PSG2: variants seen among roughly 807,000 people sequenced by gnomAD.
PSG2 encodes the protein pregnancy specific beta-1-glycoprotein 2.
PSG2 carries 49 observed loss-of-function variants against 36.2 expected under a neutral mutation model. That is an observed-to-expected ratio of 1.35 (90% CI 1.08 to 1.72). PSG2 has a LOEUF of 1.72. PSG2 is among the 40% of genes most tolerant of loss of function. The probability of loss-of-function intolerance (pLI) is 0.00; values close to 1 mark genes in which losing one functional copy is unlikely to be tolerated. For synonymous variants in PSG2, 261 were observed against 155.6 expected, an observed-to-expected ratio of 1.68 and a Z score of -5.04; for missense variants, 605 against 407.2, an observed-to-expected ratio of 1.49 and a Z score of -4.18.
At chr19:43,082,425 A>G (rs1447863999) in intron 1 of PSG2, 81 bp downstream of exon 1, 2 of 1,571,632 alleles carry the variant, frequency 1.3e-6, no homozygotes, top group Admixed American at 1.7e-5. Context: ...TTCATTTTTT[A>G]GAACCCCATC....
intron 3 of PSG2, chr19:43,072,237 T>G: frequency 1.3e-6 from 2 of 1,511,602 alleles, no homozygotes; most frequent in Non-Finnish European, 8.9e-7. Flanking sequence ...ATGGCCAGCT[T>G]GGATGTCCAG....
chr19:43,077,239 G>A (rs1201348841), intron 2 of PSG2, among the ~76,000 whole-genome samples: 1 of 151,686 alleles, frequency 6.6e-6, no homozygotes, highest in African/African-American at 2.4e-5. Context: ...AAAGAAAGAT[G>A]CCAAAGGTGA....
At chr19:43,071,165 C>G (rs192781502) in intron 4 of PSG2, among the ~76,000 whole-genome samples, 1 of 151,508 alleles carries the variant, frequency 6.6e-6, no homozygotes, top group Admixed American at 6.6e-5. Flanking sequence ...TCCACACATG[C>G]TGGTCCCACC....
intron 2 of PSG2, among the ~76,000 whole-genome samples, chr19:43,076,596 A>T (rs7250302): frequency 6.6e-6 from 1 of 151,298 alleles, no homozygotes; most frequent in Non-Finnish European, 1.5e-5. Context: ...TTCTGAGTTT[A>T]ACTACCCTAT....
chr19:43,079,529 C>G (rs971748131), intron 2 of PSG2, among the ~76,000 whole-genome samples: 1 of 151,544 alleles, frequency 6.6e-6, no homozygotes, highest in Admixed American at 6.6e-5. Context: ...GTGTGTGTGT[C>G]TCTCACTGGG....
intron 1 of PSG2, 26 bp downstream of exon 1, chr19:43,082,480 C>G: frequency 6.2e-7 from 1 of 1,606,336 alleles, no homozygotes; most frequent in Admixed American, 1.7e-5. Flanking sequence ...CTCCTCCTGT[C>G]CTCTCCCAGG....
rs7248878 is a variant in PSG2 at position 43,081,173 on chromosome 19, G to A, written c.138C>T (p.Ser46=). 0.11 allele frequency: 171,928 copies of A among 1,611,494 alleles called. 7,198 individuals carry two copies. Among genetic ancestry groups the A allele is most frequent in the Admixed American group, 0.18 (10,513 of 59,788 alleles). ...VTIEAQPPKV[S]EGKDVLLLVH... is the part of the protein sequence containing the mutation. ...CAAGTAGAAGAACATCCTTCCCCTCGGAAACTTTTGGTGGCTGGGCTTCAA... is the reference window on the plus strand; with the variant it reads ...CAAGTAGAAGAACATCCTTCCCCTCAGAAACTTTTGGTGGCTGGGCTTCAA... The change falls in exon 2 of 6, where the codon TCC becomes TCT. Residue 46 remains serine (S), a synonymous_variant. Transcript: ENST00000406487.
chr19:43,080,028 TTA>T, intron 2 of PSG2, among the ~76,000 whole-genome samples: 1 of 151,852 alleles, frequency 6.6e-6, no homozygotes, highest in East Asian at 1.9e-4. Context: ...TGAATAAATG[TTA>T]AAGTATTCAC....
intron 3 of PSG2, among the ~76,000 whole-genome samples, chr19:43,074,516 T>C (rs534353566): frequency 4.0e-5 from 6 of 151,842 alleles, no homozygotes; most frequent in African/African-American, 1.5e-4. Flanking sequence ...TAGTGTATAG[T>C]CTAAAGAATG....
At chr19:43,072,691 C>T in intron 3 of PSG2, 1 of 1,590,866 alleles carries the variant, frequency 6.3e-7, no homozygotes, top group East Asian at 2.2e-5. Flanking sequence ...CACAGGCATC[C>T]TTCAATCAGA....
intron 3 of PSG2, among the ~76,000 whole-genome samples, chr19:43,074,491 C>T (rs1967863713): frequency 6.6e-6 from 1 of 151,616 alleles, no homozygotes; most frequent in Admixed American, 6.6e-5. Flanking sequence ...AATTTCCTTT[C>T]AGATTGTTCA....
intron 4 of PSG2, among the ~76,000 whole-genome samples, chr19:43,068,643 T>A (rs1967775601): frequency 6.6e-6 from 1 of 151,588 alleles, no homozygotes; most frequent in African/African-American, 2.4e-5. Context: ...ACTAATAAGA[T>A]TGAATCAATA....
At chr19:43,073,137 G>A (rs1251344495) in intron 3 of PSG2, among the ~76,000 whole-genome samples, 3 of 151,846 alleles carry the variant, frequency 2.0e-5, no homozygotes, top group African/African-American at 7.3e-5. Context: ...GGGACTGGAT[G>A]TTTCAGCAGA....
At chr19:43,079,292 C>T (rs1179824399) in intron 2 of PSG2, among the ~76,000 whole-genome samples, 1 of 151,346 alleles carries the variant, frequency 6.6e-6, no homozygotes, top group South Asian at 2.1e-4. Context: ...CCAAGGAGCC[C>T]TGAGAACCCT....
chr19:43,069,062 C>A (rs916064536), intron 4 of PSG2, among the ~76,000 whole-genome samples: 1 of 151,502 alleles, frequency 6.6e-6, no homozygotes, highest in Non-Finnish European at 1.5e-5. Context: ...TTTCAATACA[C>A]TAACCATGAA....
chr19:43,071,595 C>A, intron 4 of PSG2, 105 bp downstream of exon 4: 1 of 1,610,088 alleles, frequency 6.2e-7, no homozygotes, highest in South Asian at 1.1e-5. Context: ...TTGCTTTTGC[C>A]CATGGGACAC....
intron 5 of PSG2, among the ~76,000 whole-genome samples, chr19:43,066,048 C>T (rs993848630): frequency 2.6e-5 from 4 of 151,578 alleles, no homozygotes; most frequent in Non-Finnish European, 5.9e-5. Flanking sequence ...GAAATGTGAA[C>T]TTATCAAATA....
At chr19:43,074,481 A>C (rs1424128958) in intron 3 of PSG2, among the ~76,000 whole-genome samples, 1 of 151,674 alleles carries the variant, frequency 6.6e-6, no homozygotes. Context: ...TTCTTTCCTT[A>C]ATTTCCTTTC....
In PSG2 at chr19:43,082,513, C is replaced by G. The variant is rs1293427318; in HGVS notation, c.57G>C (p.Leu19=). 4.3e-6 allele frequency: 7 copies of G among 1,611,824 alleles called. No homozygotes were observed. The highest frequency in any genetic ancestry group is 2.5e-6 in the Non-Finnish European group (3 of 1,178,948). The change falls in exon 1 of 6, where the codon CTG becomes CTC. Residue 19 remains leucine (L), a synonymous_variant. Transcript: ENST00000406487. ...AGGAAGTTCTCTCCTCACCTGTGAC[C>G]AGGAGCCCCTTCCATTTGATGTGCT... ...CTEHIKWKGL[L]VTASLLNFWN...
Sources: allele counts gnomAD v4.1 joint callset (sites outside exome capture counted in the v4.1 genomes callset), GRCh38; gene constraint gnomAD v4.1.1; transcripts MANE v1.5; gene names NCBI Gene and HGNC (gene_info 2026-07-23, HGNC 2026-07-21).